Variants in OXR1 observed in about 807,000 individuals in gnomAD.
OXR1 encodes the protein oxidation resistance 1.
Under a neutral mutation model 104.6 loss-of-function variants are expected in OXR1, and 41 were observed. The observed-to-expected ratio is 0.39, with a 90% CI of 0.31 to 0.51. The LOEUF (loss-of-function observed/expected upper bound fraction) is 0.51, where lower values mean the gene tolerates loss of function less well. OXR1 is among the 20% of genes least tolerant of loss of function. The pLI is 0.77. For missense variants in OXR1, 955 were observed against 1,031.9 expected, an observed-to-expected ratio of 0.93 and a Z score of 1.02; for synonymous variants, 348 against 348.4, an observed-to-expected ratio of 1.00 and a Z score of 0.01.
At chr8:106,538,899 A>C (rs1814746695) in intron 3 of OXR1, among the ~76,000 whole-genome samples, 1 of 152,222 alleles carries the variant, frequency 6.6e-6, no homozygotes, top group South Asian at 2.1e-4. Flanking sequence ...CTCATTTAAT[A>C]ATCTTAAAAA....
At chr8:106,469,955 T>C (rs1470344322) in intron 2 of OXR1, among the ~76,000 whole-genome samples, 1 of 151,766 alleles carries the variant, frequency 6.6e-6, no homozygotes, top group Non-Finnish European at 1.5e-5. Flanking sequence ...GAAACAGGTA[T>C]CTGTGGGGGA....
intron 2 of OXR1, among the ~76,000 whole-genome samples, chr8:106,446,803 G>A (rs898135748): frequency 1.1e-4 from 16 of 152,028 alleles, no homozygotes; most frequent in Non-Finnish European, 1.8e-4. Context: ...ATGGTGGTAT[G>A]TGTCTGTACT....
Position 106,683,298 on chromosome 8 carries a change from A to G in OXR1, c.403A>G (p.Thr135Ala). The G allele has an allele frequency of 1.3e-6, 2 of 1,521,794 alleles. No homozygotes were observed. The highest frequency in any genetic ancestry group is 2.3e-5 in the East Asian group (1 of 44,308). The allele number at this position is 1,521,794 out of a possible 1,614,324, so 94.3% of individuals were successfully genotyped here. A position where few individuals can be genotyped will look rare whatever the true frequency, so the allele number is the denominator to read the frequency against. ...LNKLFSRAVV[T>A]GQVLYVPDPE... is the part of the protein sequence containing the mutation. ...TAAGTTATTCTCCCGAGCAGTTGTTACTGGACAGGTAGTATCTTTTTTTTA... is the reference window on the plus strand; with the variant it reads ...TAAGTTATTCTCCCGAGCAGTTGTTGCTGGACAGGTAGTATCTTTTTTTTA... The change falls in exon 5 of 17, where the codon ACT becomes GCT. Residue 135 changes from threonine (T) to alanine (A), a missense_variant. Coordinates refer to ENST00000517566, the MANE Select transcript of OXR1 (RefSeq NM_001198533.2).
intron 1 of OXR1, among the ~76,000 whole-genome samples, chr8:106,341,819 T>A (rs146294807): frequency 1.3e-5 from 2 of 151,896 alleles, no homozygotes; most frequent in Non-Finnish European, 2.9e-5. Context: ...TCAGAGGAGG[T>A]TTTCTCCTCT....
intron 1 of OXR1, among the ~76,000 whole-genome samples, chr8:106,305,633 T>C (rs1813435280): frequency 6.6e-6 from 1 of 152,144 alleles, no homozygotes; most frequent in African/African-American, 2.4e-5. Context: ...ATCCCCAAAA[T>C]ACACACCCAC....
chr8:106,576,197 C>T (rs1436122672), intron 3 of OXR1, among the ~76,000 whole-genome samples: 1 of 151,770 alleles, frequency 6.6e-6, no homozygotes, highest in Non-Finnish European at 1.5e-5. Context: ...CTGGATATAA[C>T]TTTGCAGATA....
intron 2 of OXR1, among the ~76,000 whole-genome samples, chr8:106,439,611 G>A (rs891145043): frequency 1.3e-5 from 2 of 151,930 alleles, no homozygotes; most frequent in African/African-American, 2.4e-5. Context: ...GTAGCTAAAG[G>A]CATGTGCTGG....
chr8:106,690,296 A>G (rs546272443), intron 6 of OXR1, among the ~76,000 whole-genome samples: 1 of 151,002 alleles, frequency 6.6e-6, no homozygotes, highest in East Asian at 1.9e-4. Context: ...TATATACTAC[A>G]TTCATATTAT....
At chr8:106,658,125 G>C (rs943102719) in intron 3 of OXR1, 6 of 1,246,762 alleles carry the variant, frequency 4.8e-6, no homozygotes, top group Non-Finnish European at 5.1e-6. Flanking sequence ...AGCCCAGGGG[G>C]ACCTCGGGTG....
chr8:106,369,412 T>C (rs919572596), intron 2 of OXR1, among the ~76,000 whole-genome samples: 2 of 152,234 alleles, frequency 1.3e-5, no homozygotes, highest in East Asian at 1.9e-4. Flanking sequence ...TTAGAACCCA[T>C]TTGTCAATTT....
intron 2 of OXR1, among the ~76,000 whole-genome samples, chr8:106,505,093 A>C (rs1432997355): frequency 6.6e-6 from 1 of 152,258 alleles, no homozygotes; most frequent in African/African-American, 2.4e-5. Flanking sequence ...GTTATAGATC[A>C]GGAGATAGCT....
chr8:106,638,358 T>A (rs898978103), intron 3 of OXR1, among the ~76,000 whole-genome samples: 1 of 152,154 alleles, frequency 6.6e-6, no homozygotes, highest in African/African-American at 2.4e-5. Context: ...ATTACTACCC[T>A]CCTTTTGATA....
intron 3 of OXR1, among the ~76,000 whole-genome samples, chr8:106,627,234 C>G (rs574042004): frequency 3.9e-5 from 6 of 152,228 alleles, no homozygotes; most frequent in Non-Finnish European, 8.8e-5. Context: ...AACATTCCTT[C>G]CAAATTATTT....
intron 2 of OXR1, among the ~76,000 whole-genome samples, chr8:106,513,034 C>T (rs113872171): frequency 3.3e-5 from 5 of 152,002 alleles, no homozygotes; most frequent in African/African-American, 1.2e-4. Flanking sequence ...TGCATTTATC[C>T]TACTCAAAAA....
chr8:106,408,890 C>T (rs1489676198), intron 2 of OXR1, among the ~76,000 whole-genome samples: 1 of 152,126 alleles, frequency 6.6e-6, no homozygotes, highest in Admixed American at 6.6e-5. Context: ...CTGGAGCCAA[C>T]ACAACCTGTA....
At chr8:106,444,405 C>T (rs1819925036) in intron 2 of OXR1, among the ~76,000 whole-genome samples, 1 of 152,122 alleles carries the variant, frequency 6.6e-6, no homozygotes, top group Admixed American at 6.6e-5. Context: ...TATTGCAGCA[C>T]TATTTACAAT....
At chr8:106,382,350 T>G (rs988356082) in intron 2 of OXR1, among the ~76,000 whole-genome samples, 1 of 152,194 alleles carries the variant, frequency 6.6e-6, no homozygotes, top group East Asian at 1.9e-4. Context: ...AGCATCCTGA[T>G]TTAAAGGTAT....
At chr8:106,553,635 T>C (rs1478735455) in intron 3 of OXR1, among the ~76,000 whole-genome samples, 2 of 152,184 alleles carry the variant, frequency 1.3e-5, no homozygotes, top group African/African-American at 4.8e-5. Context: ...TTTATTCTTA[T>C]ATAATTTGTA....
chr8:106,488,800 A>C (rs1563556117), intron 2 of OXR1, among the ~76,000 whole-genome samples: 1 of 149,580 alleles, frequency 6.7e-6, no homozygotes, highest in Non-Finnish European at 1.5e-5. Flanking sequence ...TTTTGGTACC[A>C]GTACCATGCT....
Sources: allele counts gnomAD v4.1 joint callset (sites outside exome capture counted in the v4.1 genomes callset), GRCh38; gene constraint gnomAD v4.1.1; transcripts MANE v1.5; gene names NCBI Gene and HGNC (gene_info 2026-07-23, HGNC 2026-07-21).